Variants in MTDH observed in about 807,000 individuals in gnomAD.
MTDH encodes the protein metadherin, also known as protein LYRIC.
A neutral mutation model predicts 72.7 loss-of-function variants in MTDH; 34 were observed. That is an observed-to-expected ratio of 0.47 (90% CI 0.36 to 0.62). The LOEUF (loss-of-function observed/expected upper bound fraction) is 0.62, where lower values mean the gene tolerates loss of function less well. Ranked by LOEUF, MTDH falls within the 20% of genes least tolerant of loss-of-function variation. The pLI, the probability that MTDH is intolerant of heterozygous loss-of-function variation, is 0.00. For synonymous variants in MTDH, 266 were observed against 268.9 expected (o/e 0.99, Z 0.10); for missense variants, 677 against 699.4 (o/e 0.97, Z 0.36).
At chr8:97,720,026 C>T (rs1348325534) in intron 10 of MTDH, among the ~76,000 whole-genome samples, 4 of 152,184 alleles carry the variant, frequency 2.6e-5, no homozygotes, top group Non-Finnish European at 4.4e-5. Flanking sequence ...GTGGCTCACG[C>T]CTGTAATCCC....
At chr8:97,657,895 T>A (rs894602276) in intron 1 of MTDH, among the ~76,000 whole-genome samples, 2 of 152,180 alleles carry the variant, frequency 1.3e-5, no homozygotes, top group Non-Finnish European at 2.9e-5. Context: ...TAGTTACTAT[T>A]CATGTAAGTA....
At chr8:97,650,634 A>T (rs1292028969) in intron 1 of MTDH, among the ~76,000 whole-genome samples, 1 of 152,132 alleles carries the variant, frequency 6.6e-6, no homozygotes, top group Non-Finnish European at 1.5e-5. Context: ...TTCAACTGTA[A>T]AGCCTTCCCT....
chr8:97,672,608 G>A (rs1470681182), intron 2 of MTDH, among the ~76,000 whole-genome samples: 1 of 152,150 alleles, frequency 6.6e-6, no homozygotes, highest in African/African-American at 2.4e-5. Flanking sequence ...ACCAGAACCA[G>A]GATTTCTGCC....
At chr8:97,655,264 T>G (rs1039194946) in intron 1 of MTDH, among the ~76,000 whole-genome samples, 2 of 152,230 alleles carry the variant, frequency 1.3e-5, no homozygotes, top group African/African-American at 4.8e-5. Flanking sequence ...TATACCTGTC[T>G]TCCTTTACTA....
In MTDH at chr8:97,644,336, C is replaced by T; in HGVS notation, c.-171C>T. 1.1e-6 allele frequency: 1 copy of T among 870,808 alleles called. No homozygotes were observed. The highest frequency in any genetic ancestry group is 1.9e-5 in the South Asian group (1 of 51,568). 53.9% of individuals were successfully genotyped at this position (870,808 alleles called of 1,614,324 possible). A position where few individuals can be genotyped will look rare whatever the true frequency, so the allele number is the denominator to read the frequency against. ...TGACAGCGGGGAACCTGGGAGACCCCTCCGCCCTCCCCGCGGTGGCAGCGG... is the reference window on the plus strand; with the variant it reads ...TGACAGCGGGGAACCTGGGAGACCCTTCCGCCCTCCCCGCGGTGGCAGCGG... On this transcript the variant is annotated 5_prime_UTR_variant, in exon 1 of 12. Transcript: ENST00000336273.
chr8:97,717,311 CCTT>C (rs1814914889), intron 9 of MTDH, among the ~76,000 whole-genome samples: 1 of 152,144 alleles, frequency 6.6e-6, no homozygotes, highest in Non-Finnish European at 1.5e-5. Flanking sequence ...ATACAGTAAT[CCTT>C]CTATTTAATA....
In MTDH at chr8:97,699,739, C is replaced by T. The variant is rs947341539; in HGVS notation, c.1049-15C>T. On this transcript the variant is annotated splice_polypyrimidine_tract_variant and intron_variant, in intron 6 of 11. Coordinates refer to ENST00000336273, the MANE Select transcript of MTDH (RefSeq NM_178812.4). The stretch of plus-strand genomic sequence containing the variant: ...ATTCCATTTTTAATTTTATTGCATT[C>T]GTTTTTCATTTAAGGGTCTACTGCT... 29 of 1,526,096 alleles carry T rather than the reference C, an allele frequency of 1.9e-5. No homozygotes were observed. The highest frequency in any genetic ancestry group is 2.3e-5 in the Non-Finnish European group (25 of 1,101,754). The allele number at this position is 1,526,096 out of a possible 1,614,324, so 94.5% of individuals were successfully genotyped here.
In MTDH at chr8:97,690,390, A is replaced by G. The variant is rs200451892; in HGVS notation, c.812-562A>G. Among the ~76,000 whole-genome samples the G allele has an allele frequency of 7.9e-5, 12 of 152,314 alleles. 1 individual carries two copies. In the East Asian group the frequency reaches 2.3e-3, roughly 29 times the overall value. ...ACACATTAGTTATCCAGGAAGCTGTAAAAAACAACATGTACACACATATAT... is the reference window on the plus strand; with the variant it reads ...ACACATTAGTTATCCAGGAAGCTGTGAAAAACAACATGTACACACATATAT... On this transcript the variant is annotated intron_variant, in intron 5 of 11. Transcript: ENST00000336273.
At chr8:97,688,741 TA>T (rs1269094651) in intron 4 of MTDH, among the ~76,000 whole-genome samples, 1 of 152,186 alleles carries the variant, frequency 6.6e-6, no homozygotes, top group African/African-American at 2.4e-5. Flanking sequence ...CTGCAGTTCA[TA>T]CTTAAAATAA....
At position 97,729,007 on chromosome 8, in the gene MTDH, G is replaced by A. The variant is rs566352720; in HGVS notation, c.*4337G>A. ...GCTCACTTCAGCCTGGAACTCCCGG[G>A]CTCGAGCTATATTCTCCCACTTTAG... On this transcript the variant is annotated 3_prime_UTR_variant, in exon 12 of 12. Coordinates refer to ENST00000336273, the MANE Select transcript of MTDH (RefSeq NM_178812.4). Among the ~76,000 whole-genome samples the A allele has an allele frequency of 6.0e-5, 9 of 151,138 alleles. No homozygotes were observed. Among genetic ancestry groups the A allele is most frequent in the Middle Eastern group, 3.4e-3 (1 of 294 alleles).
chr8:97,698,267 G>A (rs1302813843), intron 6 of MTDH, among the ~76,000 whole-genome samples: 1 of 152,178 alleles, frequency 6.6e-6, no homozygotes, highest in Non-Finnish European at 1.5e-5. Context: ...AAGGACTCCA[G>A]TACACATGTA....
chr8:97,672,361 T>C (rs956859533), intron 2 of MTDH, among the ~76,000 whole-genome samples: 10 of 152,230 alleles, frequency 6.6e-5, no homozygotes, highest in Admixed American at 6.5e-4. Context: ...ATGTTTTATC[T>C]GAGTGCTTTG....
chr8:97,697,150 A>ATATATATATTTTT, intron 6 of MTDH, among the ~76,000 whole-genome samples: 46 of 68,708 alleles, frequency 6.7e-4, no homozygotes, highest in African/African-American at 3.1e-3. Context: ...ATATATATAT[A>ATATATATATTTTT]TTTTTTTTTT....
At chr8:97,653,759 T>A (rs114635132) in intron 1 of MTDH, among the ~76,000 whole-genome samples, 1 of 152,342 alleles carries the variant, frequency 6.6e-6, no homozygotes, top group Non-Finnish European at 1.5e-5. Flanking sequence ...ATTGGTGTTA[T>A]TTGATCAGTT....
chr8:97,726,993 A>C lies in MTDH; in HGVS notation c.*2323A>C, dbSNP rs1413713506. Reference sequence around the variant, plus strand: ...ACTCAGGAGGCTAAGGCAGAGAATCATTTGAACCCAGGAGACGGAGTTTGC... The same window carrying C: ...ACTCAGGAGGCTAAGGCAGAGAATCCTTTGAACCCAGGAGACGGAGTTTGC... On this transcript the variant is annotated 3_prime_UTR_variant, in exon 12 of 12. Transcript: ENST00000336273. 3 of 151,110 alleles carry C rather than the reference A, an allele frequency of 2.0e-5. No homozygotes were observed. Among genetic ancestry groups the C allele is most frequent in the Non-Finnish European group, 4.4e-5 (3 of 67,782 alleles). 9.4% of individuals were successfully genotyped at this position (151,110 alleles called of 1,614,324 possible).
At chr8:97,688,542 T>C (rs1813457262) in intron 4 of MTDH, among the ~76,000 whole-genome samples, 1 of 152,172 alleles carries the variant, frequency 6.6e-6, no homozygotes, top group South Asian at 2.1e-4. Context: ...CATTATGCTT[T>C]TTAGTGTCAG....
At chr8:97,674,007 T>A (rs1812741771) in intron 2 of MTDH, among the ~76,000 whole-genome samples, 1 of 151,988 alleles carries the variant, frequency 6.6e-6, no homozygotes, top group Non-Finnish European at 1.5e-5. Flanking sequence ...ATTTTTTTAA[T>A]TAGCCAGGCA....
intron 1 of MTDH, among the ~76,000 whole-genome samples, chr8:97,647,547 G>A (rs1389676682): frequency 6.6e-6 from 1 of 152,068 alleles, no homozygotes; most frequent in African/African-American, 2.4e-5. Context: ...GGGGAAGGGA[G>A]GGCAGTAAGA....
chr8:97,715,839 G>GT (rs1254527130), intron 9 of MTDH, among the ~76,000 whole-genome samples: 1 of 152,174 alleles, frequency 6.6e-6, no homozygotes, highest in African/African-American at 2.4e-5. Context: ...ATTCTGAAAT[G>GT]TTTAACGTAT....
Sources: gnomAD v4.1 joint callset for allele counts (sites outside exome capture counted in the v4.1 genomes callset) on GRCh38, gnomAD v4.1.1 for gene constraint, MANE v1.5 for transcripts, NCBI Gene and HGNC (gene_info 2026-07-23, HGNC 2026-07-21) for gene names.